The following YPEL2 variants were observed in gnomAD, a reference collection of about 807,000 sequenced individuals.
YPEL2 encodes protein yippee-like 2.
A neutral mutation model predicts 19.1 loss-of-function variants in YPEL2; 2 were observed. The observed-to-expected ratio is 0.10, with a 90% CI of 0.04 to 0.33. The LOEUF is 0.33. YPEL2 is among the 10% of genes least tolerant of loss of function. YPEL2 has a pLI of 1.00. For synonymous variants in YPEL2, 52 were observed against 50.0 expected (o/e 1.04, Z -0.17); for missense variants, 66 against 140.7 (o/e 0.47, Z 2.68).
At chr17:59,331,995 C>T (rs1010261179) in intron 1 of YPEL2, among the ~76,000 whole-genome samples, 171 bp downstream of exon 1, 25 of 150,802 alleles carry the variant, frequency 1.7e-4, no homozygotes, top group East Asian at 8.0e-4. Flanking sequence ...GCGCCGGGGA[C>T]GGGGAGCGGC....
At chr17:59,387,913 TGTG>T (rs1015756509) in intron 2 of YPEL2, among the ~76,000 whole-genome samples, 2 of 152,212 alleles carry the variant, frequency 1.3e-5, no homozygotes, top group African/African-American at 2.4e-5. Flanking sequence ...CGAAGGAGCT[TGTG>T]GTGGTTTCCA....
chr17:59,340,700 C>T (rs150798562), intron 1 of YPEL2, among the ~76,000 whole-genome samples: 3 of 151,750 alleles, frequency 2.0e-5, no homozygotes, highest in Admixed American at 2.0e-4. Flanking sequence ...CAGGCGTGAG[C>T]CACCGCACCC....
intron 2 of YPEL2, among the ~76,000 whole-genome samples, chr17:59,364,644 GTCTCGC>G (rs2047859489): frequency 7.5e-6 from 1 of 133,250 alleles, no homozygotes; most frequent in African/African-American, 2.9e-5. Context: ...TTGAGACAGA[GTCTCGC>G]TCTATCACCC....
intron 2 of YPEL2, among the ~76,000 whole-genome samples, chr17:59,383,324 C>T (rs1247662829): frequency 2.6e-5 from 4 of 151,416 alleles, no homozygotes; most frequent in East Asian, 1.9e-4. Context: ...CTAGGCCGGG[C>T]GTGGTGGCTC....
At chr17:59,369,497 G>A (rs912723664) in intron 2 of YPEL2, among the ~76,000 whole-genome samples, 1 of 152,212 alleles carries the variant, frequency 6.6e-6, no homozygotes, top group African/African-American at 2.4e-5. Flanking sequence ...GATTTAAGGA[G>A]ACACTCACTC....
intron 1 of YPEL2, among the ~76,000 whole-genome samples, chr17:59,352,101 G>A (rs1388178568): frequency 6.6e-6 from 1 of 152,150 alleles, no homozygotes; most frequent in Admixed American, 6.5e-5. Flanking sequence ...AGTCCAGCCA[G>A]GAAGATCTGA....
intron 1 of YPEL2, among the ~76,000 whole-genome samples, chr17:59,337,390 C>T (rs904625153): frequency 2.0e-5 from 3 of 151,876 alleles, no homozygotes; most frequent in Admixed American, 2.0e-4. Context: ...GGGGTTTCAC[C>T]GTGTTAGCCA....
rs2048000638 is a variant in YPEL2 at position 59,390,177 on chromosome 17, T to G, written c.270+709T>G. 2.0e-5 allele frequency among the ~76,000 whole-genome samples: 3 copies of G among 152,128 alleles called. No homozygotes were observed. The South Asian group carries it at 6.2e-4, about 32-fold the overall frequency. ...CACCATGCCTGGCTTATTTTTTGTA[T>G]TTTTAGTAGAGACAGGATTTCACCA... On this transcript the variant is annotated intron_variant, in intron 4 of 4. Coordinates refer to ENST00000312655, the MANE Select transcript of YPEL2 (RefSeq NM_001005404.4).
chr17:59,386,162 ATT>A (rs11287938), intron 2 of YPEL2, among the ~76,000 whole-genome samples: 85 of 148,770 alleles, frequency 5.7e-4, no homozygotes, highest in East Asian at 1.8e-3. Context: ...GTCTCTATAA[ATT>A]TTTTTTTTTT....
chr17:59,389,435 T>C lies in YPEL2; in HGVS notation c.237T>C (p.Cys79=). The change falls in exon 4 of 5, where the codon TGT becomes TGC. Residue 79 remains cysteine, a synonymous_variant. Coordinates refer to ENST00000312655, the MANE Select transcript of YPEL2 (RefSeq NM_001005404.4). ...TGCATGCAGTCGCAGACATTTACTG[T>C]GAAAACTGCAAAACCACTCTGGGCT... ...TGLHAVADIY[C]ENCKTTLGWK... is the part of the protein sequence containing the mutation. 6.2e-7 allele frequency: 1 copy of C among 1,613,986 alleles called. No individual in the cohort carries two copies. The highest frequency in any genetic ancestry group is 1.7e-5 in the Admixed American group (1 of 60,022).
chr17:59,378,881 C>G (rs1300074763), intron 2 of YPEL2, among the ~76,000 whole-genome samples: 1 of 152,180 alleles, frequency 6.6e-6, no homozygotes, highest in African/African-American at 2.4e-5. Context: ...AGAAAGCCAT[C>G]CTTCTGCCCC....
chr17:59,340,200 C>G (rs144006342), intron 1 of YPEL2, among the ~76,000 whole-genome samples: 1 of 152,122 alleles, frequency 6.6e-6, no homozygotes, highest in Non-Finnish European at 1.5e-5. Flanking sequence ...CTCCACCCCC[C>G]CAGGTTCAAG....
At chr17:59,390,725 ACTAATTGTC>A (rs1406219739) in intron 4 of YPEL2, among the ~76,000 whole-genome samples, 9 of 152,130 alleles carry the variant, frequency 5.9e-5, no homozygotes, top group African/African-American at 2.2e-4. Flanking sequence ...AACGCTGGGG[ACTAATTGTC>A]CTAACATGCG....
At chr17:59,348,282 T>C (rs2047767118) in intron 1 of YPEL2, among the ~76,000 whole-genome samples, 1 of 152,240 alleles carries the variant, frequency 6.6e-6, no homozygotes, top group Non-Finnish European at 1.5e-5. Flanking sequence ...AATTCCTTCC[T>C]GTAGAGAGTC....
Position 59,346,857 on chromosome 17 carries a change from G to GT in YPEL2, c.-195-6357dup, listed in dbSNP as rs1042959050. ...CCTTGTGAGGAGAGATGGAAAGGTT[G>GT]TATCAGCCTGAAGGAATGGCATCAG... On this transcript the variant is annotated intron_variant, in intron 1 of 4. Transcript: ENST00000312655. Among the ~76,000 whole-genome samples the GT allele has an allele frequency of 4.4e-4, 67 of 152,188 alleles. 1 individual carries two copies. The highest frequency in any genetic ancestry group is 1.6e-3 in the African/African-American group (65 of 41,432).
At chr17:59,377,587 C>T (rs1212834518) in intron 2 of YPEL2, among the ~76,000 whole-genome samples, 1 of 152,224 alleles carries the variant, frequency 6.6e-6, no homozygotes, top group Non-Finnish European at 1.5e-5. Flanking sequence ...ATGCTGAGAG[C>T]TGGCAGCATC....
At chr17:59,336,295 CAAAGCCTCCA>C (rs1480957280) in intron 1 of YPEL2, among the ~76,000 whole-genome samples, 5 of 152,186 alleles carry the variant, frequency 3.3e-5, no homozygotes, top group Non-Finnish European at 7.3e-5. Context: ...TATAGGTTGG[CAAAGCCTCCA>C]AAAGCTCCAT....
chr17:59,389,790 C>G (rs1451255594), intron 4 of YPEL2, among the ~76,000 whole-genome samples: 1 of 151,894 alleles, frequency 6.6e-6, no homozygotes, highest in Non-Finnish European at 1.5e-5. Context: ...ATCTTCACCT[C>G]TATTTTATGG....
In YPEL2 at chr17:59,401,295, AAG is replaced by A. The variant is rs1179601627; in HGVS notation, c.*4109_*4110del. 6.6e-6 allele frequency: 1 copy of A among 152,504 alleles called. No homozygotes were observed. Among genetic ancestry groups the A allele is most frequent in the East Asian group, 1.9e-4 (1 of 5,196 alleles). 9.4% of individuals were successfully genotyped at this position (152,504 alleles called of 1,614,324 possible). A position where few individuals can be genotyped will look rare whatever the true frequency, so the allele number is the denominator to read the frequency against. On this transcript the variant is annotated 3_prime_UTR_variant, in exon 5 of 5. Coordinates refer to ENST00000312655, the MANE Select transcript of YPEL2 (RefSeq NM_001005404.4). Reference sequence around the variant, plus strand: ...ATATGCTAGTTATCTAGATAGAGGAAAGAGATATTTACTTTTTTAAAAATTAA... The same window carrying A: ...ATATGCTAGTTATCTAGATAGAGGAAAGATATTTACTTTTTTAAAAATTAA...
Sources: gnomAD v4.1 joint callset for allele counts (sites outside exome capture counted in the v4.1 genomes callset) on GRCh38, gnomAD v4.1.1 for gene constraint, MANE v1.5 for transcripts, NCBI Gene and HGNC (gene_info 2026-07-23, HGNC 2026-07-21) for gene names.